PRKCB: variants seen among roughly 807,000 people sequenced by gnomAD.
PRKCB encodes the protein protein kinase C beta, also known as protein kinase C beta type.
In PRKCB, 13 loss-of-function variants were observed where a neutral mutation model predicts 81.5. That is an observed-to-expected ratio of 0.16 (90% CI 0.10 to 0.25). The LOEUF (loss-of-function observed/expected upper bound fraction) is 0.25. Among genes scored for constraint, PRKCB ranks in the 10% least tolerant of loss-of-function variants. The pLI is 1.00. For synonymous variants in PRKCB, 335 were observed against 321.4 expected, an observed-to-expected ratio of 1.04 and a Z score of -0.45; for missense variants, 509 against 875.7, an observed-to-expected ratio of 0.58 and a Z score of 5.29.
intron 5 of PRKCB, among the ~76,000 whole-genome samples, chr16:24,052,712 A>G (rs917212206): frequency 6.6e-6 from 1 of 152,190 alleles, no homozygotes; most frequent in Admixed American, 6.5e-5. Context: ...ATTACTGTAT[A>G]ATGAGCAGCA....
At chr16:24,037,510 T>G (rs1965638266) in intron 5 of PRKCB, among the ~76,000 whole-genome samples, 1 of 152,196 alleles carries the variant, frequency 6.6e-6, no homozygotes, top group Non-Finnish European at 1.5e-5. Flanking sequence ...AAAACACATT[T>G]CCTCACCTAG....
intron 2 of PRKCB, among the ~76,000 whole-genome samples, chr16:23,863,134 G>A (rs1962705175): frequency 6.9e-6 from 1 of 144,684 alleles, no homozygotes; most frequent in Non-Finnish European, 1.5e-5. Context: ...TCATATATAT[G>A]CATGTGTATG....
intron 2 of PRKCB, among the ~76,000 whole-genome samples, chr16:23,848,901 C>T (rs1962423469): frequency 1.3e-5 from 2 of 152,144 alleles, no homozygotes; most frequent in South Asian, 4.1e-4. Flanking sequence ...GGGCACTGTC[C>T]TTGTCCTTAC....
intron 3 of PRKCB, among the ~76,000 whole-genome samples, chr16:24,020,411 C>T (rs977970298): frequency 2.0e-5 from 3 of 152,242 alleles, no homozygotes; most frequent in Non-Finnish European, 4.4e-5. Flanking sequence ...ACTTTTGCAC[C>T]TACCTAATAC....
At chr16:24,191,011 A>C (rs1967783671) in intron 15 of PRKCB, 79 bp from the exon 16 acceptor site, 1 of 1,497,902 alleles carries the variant, frequency 6.7e-7, no homozygotes, top group Admixed American at 1.9e-5. Context: ...TTCCTAATGC[A>C]TTGGAGTAAT....
At chr16:24,114,249 A>G (rs1966711527) in intron 8 of PRKCB, among the ~76,000 whole-genome samples, 1 of 142,784 alleles carries the variant, frequency 7.0e-6, no homozygotes, top group African/African-American at 2.6e-5. Flanking sequence ...AGCCTGGGCA[A>G]CAGAGCGAGA....
chr16:24,104,299 C>T (rs1966548823), intron 7 of PRKCB, among the ~76,000 whole-genome samples: 2 of 152,272 alleles, frequency 1.3e-5, no homozygotes, highest in South Asian at 4.1e-4. Context: ...ATGAAGTTAT[C>T]TTTGTTGCAG....
intron 9 of PRKCB, among the ~76,000 whole-genome samples, chr16:24,126,955 G>C (rs1468110911): frequency 6.6e-6 from 1 of 151,286 alleles, no homozygotes; most frequent in East Asian, 1.9e-4. Context: ...TTACAGGTGT[G>C]AGCCACCGCA....
rs1362833165 is a variant in PRKCB at position 23,988,654 on chromosome 16, G to A, written c.288+64G>A. ...TCAATGCTGCCTTGTGATTAAATGT[G>A]AGTGAGCATTCTTAGACGAGTAAGT... On this transcript the variant is annotated intron_variant, in intron 3 of 16. Transcript: ENST00000643927. 5.0e-6 allele frequency: 7 copies of A among 1,411,550 alleles called. No individual in the cohort carries two copies. The South Asian group carries it at 7.0e-5, about 14-fold the overall frequency. 87.4% of individuals were successfully genotyped at this position (1,411,550 alleles called of 1,614,324 possible). A position where few individuals can be genotyped will look rare whatever the true frequency, so the allele number is the denominator to read the frequency against.
intron 2 of PRKCB, among the ~76,000 whole-genome samples, chr16:23,900,253 T>C (rs1024792224): frequency 1.1e-4 from 16 of 152,186 alleles, no homozygotes; most frequent in African/African-American, 3.6e-4. Context: ...GACATACCAC[T>C]TCCATAAAGC....
intron 2 of PRKCB, among the ~76,000 whole-genome samples, chr16:23,846,879 T>C (rs967603054): frequency 6.6e-6 from 1 of 152,088 alleles, no homozygotes; most frequent in Non-Finnish European, 1.5e-5. Context: ...TATTCAGAAG[T>C]GCTAAGCTGT....
chr16:23,900,250 C>T (rs1014369789), intron 2 of PRKCB, among the ~76,000 whole-genome samples: 27 of 152,068 alleles, frequency 1.8e-4, no homozygotes, highest in African/African-American at 5.3e-4. Context: ...TATGACATAC[C>T]ACTTCCATAA....
intron 2 of PRKCB, among the ~76,000 whole-genome samples, chr16:23,921,691 C>T (rs1164275648): frequency 6.6e-6 from 1 of 152,092 alleles, no homozygotes; most frequent in Non-Finnish European, 1.5e-5. Flanking sequence ...ATCCCAGCTA[C>T]TTGGGAGGCT....
chr16:24,010,413 G>A (rs920018020), intron 3 of PRKCB, among the ~76,000 whole-genome samples: 3 of 152,114 alleles, frequency 2.0e-5, no homozygotes, highest in African/African-American at 4.8e-5. Flanking sequence ...GTGAACCTCC[G>A]GTTTACAACT....
In PRKCB at chr16:24,215,039, A is replaced by C. The variant is rs1968203355; in HGVS notation, c.*223A>C. ...TGGAAAATGCAGCTGCATAATTAAC[A>C]CATTATCAAAGTCCTCTTACAATTT... On this transcript the variant is annotated 3_prime_UTR_variant, in exon 17 of 17. Transcript: ENST00000643927. 1.7e-5 allele frequency: 23 copies of C among 1,319,432 alleles called. No individual in the cohort carries two copies. The highest frequency in any genetic ancestry group is 2.2e-5 in the Non-Finnish European group (23 of 1,032,474). The allele number at this position is 1,319,432 out of a possible 1,614,324, so 81.7% of individuals were successfully genotyped here.
chr16:23,880,834 GTC>G (rs1963095038), intron 2 of PRKCB, among the ~76,000 whole-genome samples: 1 of 151,980 alleles, frequency 6.6e-6, no homozygotes, highest in Non-Finnish European at 1.5e-5. Flanking sequence ...ATGTCTCTCT[GTC>G]TCTGTCTCCT....
At chr16:24,115,842 C>G (rs1006165290) in intron 8 of PRKCB, among the ~76,000 whole-genome samples, 14 of 152,282 alleles carry the variant, frequency 9.2e-5, no homozygotes, top group Admixed American at 9.2e-4. Context: ...TCTCCTGCCT[C>G]AGCCTCCCGA....
At chr16:24,128,073 A>G (rs914872837) in intron 9 of PRKCB, among the ~76,000 whole-genome samples, 1 of 152,132 alleles carries the variant, frequency 6.6e-6, no homozygotes, top group Non-Finnish European at 1.5e-5. Context: ...AAACAAAACA[A>G]AACATGTTTT....
intron 2 of PRKCB, among the ~76,000 whole-genome samples, chr16:23,873,202 A>AAAAAAG (rs1962940100): frequency 2.4e-5 from 2 of 83,414 alleles, no homozygotes; most frequent in African/African-American, 9.9e-5. Context: ...AAAAAAAAAA[A>AAAAAAG]AAAAAAAGAA....
Sources: allele counts gnomAD v4.1 joint callset (sites outside exome capture counted in the v4.1 genomes callset), GRCh38; gene constraint gnomAD v4.1.1; transcripts MANE v1.5; gene names NCBI Gene and HGNC (gene_info 2026-07-23, HGNC 2026-07-21).